Variants in STK39 observed in about 807,000 individuals in gnomAD.
The protein encoded by STK39 is serine/threonine kinase 39, also known as STE20/SPS1-related proline-alanine-rich protein kinase.
STK39 carries 20 observed loss-of-function variants against 77.8 expected under a neutral mutation model. The ratio of observed to expected loss-of-function variants is 0.26; its 90% CI spans 0.18 to 0.37. STK39 has a LOEUF of 0.37. Among genes scored for constraint, STK39 ranks in the 10% least tolerant of loss-of-function variants. The pLI is 1.00. For missense variants in STK39, 479 were observed against 656.5 expected, an observed-to-expected ratio of 0.73 and a Z score of 2.95; for synonymous variants, 246 against 234.1, an observed-to-expected ratio of 1.05 and a Z score of -0.47.
At chr2:168,150,628 G>A (rs1688254986) in intron 5 of STK39, among the ~76,000 whole-genome samples, 1 of 151,866 alleles carries the variant, frequency 6.6e-6, no homozygotes, top group African/African-American at 2.4e-5. Context: ...AACCTCTAAT[G>A]AATTGTGTAA....
At chr2:168,168,518 A>G (rs1326721421) in intron 2 of STK39, among the ~76,000 whole-genome samples, 1 of 152,212 alleles carries the variant, frequency 6.6e-6, no homozygotes, top group Non-Finnish European at 1.5e-5. Context: ...ATATTCAATA[A>G]TAATGAGCTT....
chr2:168,203,846 G>A (rs1279436050), intron 1 of STK39, among the ~76,000 whole-genome samples: 3 of 152,172 alleles, frequency 2.0e-5, no homozygotes, highest in East Asian at 1.9e-4. Context: ...CACCCACCTC[G>A]GCCTCCCGAA....
chr2:168,120,626 T>C (rs1309577594), intron 10 of STK39, among the ~76,000 whole-genome samples: 2 of 152,162 alleles, frequency 1.3e-5, no homozygotes, highest in Non-Finnish European at 2.9e-5. Context: ...ACAAAAACAA[T>C]CTGGACTATA....
chr2:168,059,077 T>C (rs1685597073), intron 14 of STK39, among the ~76,000 whole-genome samples: 1 of 152,238 alleles, frequency 6.6e-6, no homozygotes, highest in Non-Finnish European at 1.5e-5. Flanking sequence ...ACATGCTTCC[T>C]GCTTCAAACG....
intron 1 of STK39, chr2:168,232,308 T>C (rs1443208400): frequency 1.3e-5 from 2 of 154,416 alleles, no homozygotes; most frequent in African/African-American, 2.4e-5. Flanking sequence ...ACACTTTCTG[T>C]ACATAAAAAT....
At chr2:168,121,332 C>A (rs925841381) in intron 10 of STK39, among the ~76,000 whole-genome samples, 13 of 152,202 alleles carry the variant, frequency 8.5e-5, no homozygotes, top group Admixed American at 4.6e-4. Context: ...AATATGGAAG[C>A]ATAAATGAAA....
At chr2:168,088,456 T>A (rs1007929908) in intron 10 of STK39, among the ~76,000 whole-genome samples, 4 of 152,128 alleles carry the variant, frequency 2.6e-5, no homozygotes, top group Non-Finnish European at 5.9e-5. Context: ...CTCTTCCATG[T>A]GAAAAAGGAG....
intron 14 of STK39, among the ~76,000 whole-genome samples, chr2:168,018,022 G>A (rs958041311): frequency 1.3e-5 from 2 of 151,982 alleles, no homozygotes; most frequent in African/African-American, 4.8e-5. Context: ...AAATTAAATG[G>A]CACTGGGGAG....
intron 10 of STK39, among the ~76,000 whole-genome samples, chr2:168,083,098 A>T (rs966490206): frequency 2.0e-5 from 3 of 152,260 alleles, no homozygotes; most frequent in African/African-American, 7.2e-5. Context: ...TTATTTGTTT[A>T]TATATTTTCT....
rs542246621 is a variant in STK39, at chr2:168,164,162, A to G, written c.431-282T>C. ...CATGGCTGGTTCCTTTTCTGGTTAC[A>G]GTATTTCTCACAAAAATTCCTAAGA... On this transcript the variant is annotated intron_variant, in intron 3 of 17. Transcript: ENST00000355999. Among the ~76,000 whole-genome samples, 7 of 152,306 alleles carry G rather than the reference A, an allele frequency of 4.6e-5. No individual in the cohort carries two copies. In the East Asian group the frequency reaches 1.4e-3, roughly 29 times the overall value.
chr2:168,161,777 T>C lies in STK39; in HGVS notation c.628+10A>G, dbSNP rs758394588. 3 of 1,598,504 alleles carry C rather than the reference T, an allele frequency of 1.9e-6. No homozygotes were observed. Among genetic ancestry groups the C allele is most frequent in the Non-Finnish European group, 2.6e-6 (3 of 1,174,010 alleles). On this transcript the variant is annotated intron_variant, in intron 5 of 17. Transcript: ENST00000355999. Reference sequence around the variant, plus strand: ...ATCAAGTAAAAAATTTTTCTATTTATCAGCTTTACCTGCTATTTGTACTGA... The same window carrying C: ...ATCAAGTAAAAAATTTTTCTATTTACCAGCTTTACCTGCTATTTGTACTGA...
At chr2:168,208,674 C>A (rs903221334) in intron 1 of STK39, among the ~76,000 whole-genome samples, 2 of 152,206 alleles carry the variant, frequency 1.3e-5, no homozygotes, top group Non-Finnish European at 2.9e-5. Context: ...CCTTCTTGAG[C>A]ACAAAAGCAC....
intron 10 of STK39, among the ~76,000 whole-genome samples, chr2:168,099,436 A>G (rs574233139): frequency 6.6e-6 from 1 of 152,244 alleles, no homozygotes; most frequent in African/African-American, 2.4e-5. Flanking sequence ...TCCCAAGAAG[A>G]GTCCTATGGC....
rs151157426 is a variant in STK39, at chr2:168,214,253, C to CAA, written c.209-32165_209-32164dup. On this transcript the variant is annotated intron_variant, in intron 1 of 17. Transcript: ENST00000355999. ...AAGATGTCAAAAATAACAACAACAA[C>CAA]AACAAAAAAAAAACACAAGGTCCAC... Among the ~76,000 whole-genome samples, 670 of 69,096 alleles carry CAA rather than the reference C, an allele frequency of 9.7e-3. 4 individuals carry two copies. Among genetic ancestry groups the CAA allele is most frequent in the African/African-American group, 0.017 (320 of 19,096 alleles). 45.3% of individuals were successfully genotyped at this position (69,096 alleles called of 152,430 possible). A position where few individuals can be genotyped will look rare whatever the true frequency, so the allele number is the denominator to read the frequency against.
At chr2:168,161,250 C>T (rs1418931049) in intron 5 of STK39, among the ~76,000 whole-genome samples, 1 of 152,166 alleles carries the variant, frequency 6.6e-6, no homozygotes, top group Non-Finnish European at 1.5e-5. Flanking sequence ...GCTTTGAACA[C>T]GAAAGGTGCT....
chr2:168,171,397 T>C (rs1376936481), intron 2 of STK39, among the ~76,000 whole-genome samples: 1 of 147,760 alleles, frequency 6.8e-6, no homozygotes, highest in Non-Finnish European at 1.5e-5. Flanking sequence ...AAATAAAGTA[T>C]CCTACCCTAC....
intron 14 of STK39, among the ~76,000 whole-genome samples, chr2:168,045,942 C>G (rs927197104): frequency 6.6e-6 from 1 of 152,124 alleles, no homozygotes; most frequent in Non-Finnish European, 1.5e-5. Flanking sequence ...AGGAGTCCCC[C>G]AGAGAGGCAC....
chr2:168,081,727 A>G (rs1009735478), intron 10 of STK39, among the ~76,000 whole-genome samples: 24 of 152,326 alleles, frequency 1.6e-4, no homozygotes, highest in Admixed American at 1.4e-3. Flanking sequence ...CACAGTTCCC[A>G]CATGTCACAG....
chr2:168,079,278 TG>T (rs1686164320), intron 10 of STK39, among the ~76,000 whole-genome samples: 1 of 152,106 alleles, frequency 6.6e-6, no homozygotes, highest in Admixed American at 6.6e-5. Context: ...GGTCCTCTCC[TG>T]CTCTTCCACC....
Sources: allele counts gnomAD v4.1 joint callset (sites outside exome capture counted in the v4.1 genomes callset), GRCh38; gene constraint gnomAD v4.1.1; transcripts MANE v1.5; gene names NCBI Gene and HGNC (gene_info 2026-07-23, HGNC 2026-07-21).